The following MDM1 variants were observed in gnomAD, a reference collection of about 807,000 sequenced individuals.
The protein encoded by MDM1 is stabilizer of axonemal microtubules 6, also known as Mdm1 nuclear protein.
MDM1 carries 61 observed loss-of-function variants against 89.1 expected under a neutral mutation model. The observed-to-expected ratio is 0.68, with a 90% CI of 0.56 to 0.85. The LOEUF is 0.85. Ranked by LOEUF, MDM1 falls within the 40% of genes least tolerant of loss-of-function variation. MDM1 has a pLI of 0.00. For synonymous variants in MDM1, 290 were observed against 294.1 expected (o/e 0.99, Z 0.14); for missense variants, 820 against 846.5 (o/e 0.97, Z 0.39).
At position 68,295,342 on chromosome 12, in the gene MDM1, G is replaced by C; in HGVS notation, c.2087C>G (p.Ser696Cys). ...DEDEDRLSEI[S>C]ARSAASSLRA... The stretch of plus-strand genomic sequence containing the variant: ...GAGACTAGAAGCTGCAGAGCGAGCA[G>C]AAATCTCAGACAATCTGTCCTCATC... Residue 696 changes from serine (S) to cysteine (C), a missense_variant, in exon 15 of 15, where the codon TCT (serine) becomes TGT (cysteine). Transcript: ENST00000682720. 1 of 1,612,654 alleles carries C rather than the reference G, an allele frequency of 6.2e-7. No homozygotes were observed. The highest frequency in any genetic ancestry group is 2.2e-5 in the East Asian group (1 of 44,772).
chr12:68,316,954 C>G (rs997867203), intron 7 of MDM1, among the ~76,000 whole-genome samples: 2 of 152,120 alleles, frequency 1.3e-5, no homozygotes, highest in Non-Finnish European at 2.9e-5. Flanking sequence ...GCTACAGAAG[C>G]CCTCACTGGG....
At chr12:68,324,883 G>A (rs1436317283) in intron 4 of MDM1, 1 of 451,578 alleles carries the variant, frequency 2.2e-6, no homozygotes, top group African/African-American at 2.1e-5. Context: ...TACTAAAATT[G>A]TGCAGGAGTA....
Position 68,332,257 on chromosome 12 carries a change from C to T in MDM1, c.-12G>A, listed in dbSNP as rs1368291361. ...AAGCGCACCGGCATGTCGCCCGGCGCCGGAGCCCCCGCTACTCCGACAGTT... is the reference window on the plus strand; with the variant it reads ...AAGCGCACCGGCATGTCGCCCGGCGTCGGAGCCCCCGCTACTCCGACAGTT... On this transcript the variant is annotated 5_prime_UTR_variant, in exon 1 of 15. Coordinates refer to ENST00000682720, the MANE Select transcript of MDM1 (RefSeq NM_001354969.2). 6.3e-7 allele frequency: 1 copy of T among 1,582,166 alleles called. No individual in the cohort carries two copies. Among genetic ancestry groups the T allele is most frequent in the Non-Finnish European group, 8.6e-7 (1 of 1,165,140 alleles).
intron 4 of MDM1, among the ~76,000 whole-genome samples, chr12:68,323,772 T>G (rs1050810647): frequency 1.3e-5 from 2 of 152,216 alleles, no homozygotes. Flanking sequence ...CACGGCATAT[T>G]ACCACTGATT....
chr12:68,315,662 C>T (rs952470339), intron 9 of MDM1, among the ~76,000 whole-genome samples: 2 of 152,138 alleles, frequency 1.3e-5, no homozygotes, highest in African/African-American at 2.4e-5. Flanking sequence ...AACAGCAGAG[C>T]GCTCTTCCAT....
Position 68,321,634 on chromosome 12 carries a change from A to G in MDM1, c.802-6T>C, listed in dbSNP as rs748982945. On this transcript the variant is annotated splice_polypyrimidine_tract_variant and splice_region_variant and intron_variant, in intron 5 of 14. Coordinates refer to ENST00000682720, the MANE Select transcript of MDM1 (RefSeq NM_001354969.2). Reference sequence around the variant, plus strand: ...CGATCGTCTATTTTATTACTCTGAAATGGAAATCATTTAAGCTTTTTATGC... The same window carrying G: ...CGATCGTCTATTTTATTACTCTGAAGTGGAAATCATTTAAGCTTTTTATGC... The G allele has an allele frequency of 5.0e-6, 8 of 1,586,964 alleles. No homozygotes were observed. The highest frequency in any genetic ancestry group is 6.9e-6 in the Non-Finnish European group (8 of 1,160,016).
intron 12 of MDM1, among the ~76,000 whole-genome samples, chr12:68,307,994 C>G (rs1166648028): frequency 6.6e-6 from 1 of 150,950 alleles, no homozygotes; most frequent in Admixed American, 6.6e-5. Context: ...AGAATAACAT[C>G]TAAGATCCTT....
At chr12:68,299,003 A>G (rs1293261375) in intron 13 of MDM1, among the ~76,000 whole-genome samples, 1 of 152,214 alleles carries the variant, frequency 6.6e-6, no homozygotes. Context: ...GCCATCATAC[A>G]AAGACTCTCT....
At chr12:68,330,126 G>T (rs150651396) in intron 2 of MDM1, among the ~76,000 whole-genome samples, 1 of 151,948 alleles carries the variant, frequency 6.6e-6, no homozygotes, top group African/African-American at 2.4e-5. Flanking sequence ...CACTCCTCCC[G>T]CATGTTATGT....
At chr12:68,302,986 G>GACCAGGC in intron 12 of MDM1, 114 bp from the exon 13 acceptor site, 2 of 553,396 alleles carry the variant, frequency 3.6e-6, no homozygotes, top group Non-Finnish European at 5.8e-6. Context: ...AGAAATATGA[G>GACCAGGC]AGAATTTATG....
Position 68,313,651 on chromosome 12 carries a change from T to C in MDM1, c.1632A>G (p.Pro544=), listed in dbSNP as rs142901873. The change falls in exon 11 of 15, where the codon CCA becomes CCG. Residue 544 remains proline, a synonymous_variant. Coordinates refer to ENST00000682720, the MANE Select transcript of MDM1 (RefSeq NM_001354969.2). The stretch of plus-strand genomic sequence containing the variant: ...ACGGTGTTTGCCGATTACCAACAGC[T>C]GGAGTAGTGAGATCATGATGAGTCC... ...IQRTHHDLTT[P]AVGGAVLVSP... 5.0e-6 allele frequency: 8 copies of C among 1,613,664 alleles called. No individual in the cohort carries two copies. The African/African-American group carries it at 1.1e-4, about 22-fold the overall frequency.
At chr12:68,332,180 G>A in intron 1 of MDM1, 48 bp downstream of exon 1, 1 of 1,509,258 alleles carries the variant, frequency 6.6e-7, no homozygotes, top group Non-Finnish European at 8.9e-7. Context: ...CACCTCCCCG[G>A]CCATGGCTCC....
At chr12:68,297,088 TA>T (rs1871502784) in intron 13 of MDM1, 106 bp from the exon 14 acceptor site, 1 of 626,636 alleles carries the variant, frequency 1.6e-6, no homozygotes, top group Admixed American at 3.8e-5. Context: ...GAAATTTTAT[TA>T]ATTATCAAAC....
At position 68,295,093 on chromosome 12, in the gene MDM1, T is replaced by C. The variant is rs551045384; in HGVS notation, c.*161A>G. On this transcript the variant is annotated 3_prime_UTR_variant, in exon 15 of 15. Coordinates refer to ENST00000682720, the MANE Select transcript of MDM1 (RefSeq NM_001354969.2). ...GAATTCTTTAAAAGTTAAATTTGTA[T>C]AAGCCTATGTTAACAATTTCCAAGT... 1.1e-4 allele frequency: 54 copies of C among 479,086 alleles called. No homozygotes were observed. The South Asian group carries it at 1.5e-3, about 13-fold the overall frequency. The allele number at this position is 479,086 out of a possible 1,614,324, so 29.7% of individuals were successfully genotyped here.
At chr12:68,303,875 A>G (rs75127437) in intron 12 of MDM1, among the ~76,000 whole-genome samples, 10,634 of 152,234 alleles carry the variant, frequency 0.07, 1,204 homozygotes, top group African/African-American at 0.24. Flanking sequence ...TAGTTTGGTC[A>G]GTATTTGCTG....
At chr12:68,311,526 C>T (rs1006928848) in intron 12 of MDM1, among the ~76,000 whole-genome samples, 1 of 152,188 alleles carries the variant, frequency 6.6e-6, no homozygotes, top group Admixed American at 6.5e-5. Context: ...ATGAATTCTG[C>T]TTTCCCTCTT....
chr12:68,310,334 C>T (rs1479713099), intron 12 of MDM1, among the ~76,000 whole-genome samples: 3 of 152,160 alleles, frequency 2.0e-5, no homozygotes. Context: ...CACAGTGAGA[C>T]AGAGAATGGC....
chr12:68,311,752 C>A (rs1873724008), intron 12 of MDM1, among the ~76,000 whole-genome samples: 1 of 152,216 alleles, frequency 6.6e-6, no homozygotes, highest in Admixed American at 6.5e-5. Flanking sequence ...TCCTGCATTA[C>A]TCTGCTTCCC....
intron 6 of MDM1, 35 bp downstream of exon 6, chr12:68,321,490 A>G (rs759471429): frequency 1.2e-6 from 2 of 1,607,428 alleles, no homozygotes; most frequent in Non-Finnish European, 1.7e-6. Context: ...CATGTTAATC[A>G]TTGAAATACC....
Sources: gnomAD v4.1 joint callset for allele counts (sites outside exome capture counted in the v4.1 genomes callset) on GRCh38, gnomAD v4.1.1 for gene constraint, MANE v1.5 for transcripts, NCBI Gene and HGNC (gene_info 2026-07-23, HGNC 2026-07-21) for gene names.